Variants in C6orf136 observed in about 807,000 individuals in gnomAD.
The protein encoded by C6orf136 is uncharacterized protein C6orf136.
In C6orf136, 29 loss-of-function variants were observed where a neutral mutation model predicts 44.0. The ratio of observed to expected loss-of-function variants is 0.66; its 90% confidence interval spans 0.49 to 0.90. The LOEUF (loss-of-function observed/expected upper bound fraction) is 0.90, where lower values mean the gene tolerates loss of function less well. C6orf136 is among the 40% of genes least tolerant of loss of function. The pLI is 0.00. For missense variants in C6orf136, 628 were observed against 669.3 expected (o/e 0.94, Z 0.68); for synonymous variants, 293 against 278.6 (o/e 1.05, Z -0.52).
intron 1 of C6orf136, among the ~76,000 whole-genome samples, chr6:30,649,115 A>G (rs1335595502): frequency 6.6e-6 from 1 of 152,272 alleles, no homozygotes; most frequent in Non-Finnish European, 1.5e-5. Flanking sequence ...CTGTAATCCC[A>G]GCACTTTAGG....
At position 30,649,927 on chromosome 6, in the gene C6orf136, C is replaced by CT. The variant is rs1561953469; in HGVS notation, c.986dup (p.Ser330ValfsTer5). 6.2e-7 allele frequency: 1 copy of CT among 1,613,858 alleles called. No individual in the cohort carries two copies. Among genetic ancestry groups the CT allele is most frequent in the Non-Finnish European group, 8.5e-7 (1 of 1,179,962 alleles). ...AGGAGATCCTAGTATGGAGGAACAT[C>CT]TGTCTGTCATGTATGAGAGACTGAG... On this transcript the variant is annotated frameshift_variant, in exon 2 of 6. Transcript: ENST00000651131. LOFTEE classifies it high-confidence loss of function.
At chr6:30,648,632 C>G (rs1044037430) in intron 1 of C6orf136, among the ~76,000 whole-genome samples, 1 of 149,882 alleles carries the variant, frequency 6.7e-6, no homozygotes, top group Non-Finnish European at 1.5e-5. Context: ...AACTCCTAGA[C>G]CTCGTGATCC....
intron 4 of C6orf136, 53 bp from the exon 5 acceptor site, chr6:30,652,595 C>CA (rs1767537696): frequency 3.3e-6 from 5 of 1,521,272 alleles, no homozygotes; most frequent in Middle Eastern, 1.7e-4. Context: ...TGCTTGAATT[C>CA]AGCTTTGGGA....
At chr6:30,651,192 C>G (rs1160114377) in intron 3 of C6orf136, 74 bp from the exon 4 acceptor site, 5 of 1,579,586 alleles carry the variant, frequency 3.2e-6, no homozygotes, top group East Asian at 2.2e-5. Flanking sequence ...CACAGCTGTT[C>G]CCCATTCCTT....
chr6:30,651,862 A>G (rs1767454694), intron 4 of C6orf136, among the ~76,000 whole-genome samples: 1 of 151,424 alleles, frequency 6.6e-6, no homozygotes, highest in Admixed American at 6.6e-5. Flanking sequence ...GTTTATGTTA[A>G]TGTTAAAAAA....
chr6:30,650,411 G>A lies in C6orf136; in HGVS notation c.1017+452G>A, dbSNP rs1767299312. Among the ~76,000 whole-genome samples the A allele has an allele frequency of 2.0e-5, 3 of 151,046 alleles. No homozygotes were observed. In the South Asian group the frequency reaches 6.3e-4, roughly 32 times the overall value. On this transcript the variant is annotated intron_variant, in intron 2 of 5. Transcript: ENST00000651131. ...CAAAAAAAAAAAAAAGAAAGAAAAT[G>A]ATGTTCCTCATTTTGGGTTAAGGGA...
In C6orf136 at chr6:30,649,655, C is replaced by A; in HGVS notation, c.713C>A (p.Pro238His). Residue 238 changes from proline (P) to histidine (H), a missense_variant, in exon 2 of 6, where the codon CCC becomes CAC. Pro to His is a moderately conservative substitution (Grantham distance 77). This residue lies in a region of C6orf136 where 497 missense variants were observed against 469.2 expected (regional missense o/e 1.06). Coordinates refer to ENST00000651131, the MANE Select transcript of C6orf136 (RefSeq NM_001161376.2). ...PSSPLFWSPL[P>H]PRLPTQRLPQ... is the part of the protein sequence containing the mutation. ...TCTCCTCTATTCTGGTCTCCCCTGC[C>A]CCCACGCCTTCCCACCCAGCGTCTT... The A allele has an allele frequency of 6.2e-7, 1 of 1,607,840 alleles. No homozygotes were observed. Among genetic ancestry groups the A allele is most frequent in the Non-Finnish European group, 8.5e-7 (1 of 1,177,958 alleles).
intron 1 of C6orf136, 78 bp from the exon 2 acceptor site, chr6:30,649,480 C>A: frequency 7.5e-7 from 1 of 1,324,522 alleles, no homozygotes; most frequent in Non-Finnish European, 1.0e-6. Flanking sequence ...GTATTGGAAG[C>A]CTGTTGAGCA....
intron 4 of C6orf136, among the ~76,000 whole-genome samples, chr6:30,651,954 A>C (rs9501480): frequency 0.015 from 2,285 of 152,190 alleles, 51 homozygotes; most frequent in African/African-American, 0.051. Flanking sequence ...TAGGTACTCA[A>C]ATACTTACTG....
chr6:30,651,508 C>CT (rs371661755), intron 4 of C6orf136, 42 bp downstream of exon 4: 171,498 of 1,296,536 alleles, frequency 0.13, 4 homozygotes, highest in Non-Finnish European at 0.14. Context: ...TAATCAGTTC[C>CT]TTTTTTTTTT....
Position 30,647,684 on chromosome 6 carries a change from AC to A in C6orf136, c.456del (p.Ala153ArgfsTer184). The A allele has an allele frequency of 6.5e-7, 1 of 1,549,920 alleles. No individual in the cohort carries two copies. Among genetic ancestry groups the A allele is most frequent in the South Asian group, 1.2e-5 (1 of 84,002 alleles). ...PSRSSPAQTR[P>X]AGRPQQPARL... is the part of the protein sequence containing the mutation. ...CCCGGAGTTCCCCGGCCCAGACCAGACCCGCGGGGCGCCCTCAGCAGCCCGC... is the reference window on the plus strand; with the variant it reads ...CCCGGAGTTCCCCGGCCCAGACCAGACCGCGGGGCGCCCTCAGCAGCCCGC... On this transcript the variant is annotated frameshift_variant, in exon 1 of 6. Coordinates refer to ENST00000651131, the MANE Select transcript of C6orf136 (RefSeq NM_001161376.2). LOFTEE classifies it high-confidence loss of function. This position sits in a 1 kb window ranked among gnomAD's most constrained non-coding sequence, Gnocchi z 4.8.
chr6:30,647,878 G>C lies in C6orf136; in HGVS notation c.615+32G>C. On this transcript the variant is annotated intron_variant, in intron 1 of 5. Transcript: ENST00000651131. This position sits in a 1 kb window ranked among gnomAD's most constrained non-coding sequence, Gnocchi z 4.8. ...GAGCGGTCCGCCCGCCTTCCCTGCA[G>C]TGAGACGATCCCCTGGGGGGTTCCT... 2 of 1,454,486 alleles carry C rather than the reference G, an allele frequency of 1.4e-6. No homozygotes were observed. The highest frequency in any genetic ancestry group is 1.8e-6 in the Non-Finnish European group (2 of 1,105,036). 90.1% of individuals were successfully genotyped at this position (1,454,486 alleles called of 1,614,324 possible). A position where few individuals can be genotyped will look rare whatever the true frequency, so the allele number is the denominator to read the frequency against.
At chr6:30,649,506 G>A in intron 1 of C6orf136, 52 bp from the exon 2 acceptor site, 5 of 1,512,230 alleles carry the variant, frequency 3.3e-6, no homozygotes, top group Non-Finnish European at 4.4e-6. Flanking sequence ...GGGATCAAGG[G>A]GTGTTAGACA....
rs1767367855 is a variant in C6orf136, at chr6:30,651,146, CTTT to C, written c.1106+66_1106+68del. The C allele has an allele frequency of 7.7e-6, 12 of 1,562,258 alleles. No homozygotes were observed. The South Asian group carries it at 8.9e-5, about 12-fold the overall frequency. On this transcript the variant is annotated intron_variant, in intron 3 of 5. Transcript: ENST00000651131. The stretch of plus-strand genomic sequence containing the variant: ...AGCACCCAAAGGTATATACATGACC[CTTT>C]TCACTTCCCAGAGAAGTTCCTAGAC...
chr6:30,652,253 A>T lies in C6orf136; in HGVS notation c.1308-395A>T, dbSNP rs1406639040. Among the ~76,000 whole-genome samples, 22 of 144,972 alleles carry T rather than the reference A, an allele frequency of 1.5e-4. 2 individuals are homozygous for T. The highest frequency in any genetic ancestry group is 1.2e-3 in the East Asian group (6 of 4,988). On this transcript the variant is annotated intron_variant, in intron 4 of 5. Transcript: ENST00000651131. ...GTGAAACCCTGTCACACACACACACACACACACACACACACACACACACAC... is the reference window on the plus strand; with the variant it reads ...GTGAAACCCTGTCACACACACACACTCACACACACACACACACACACACAC...
chr6:30,651,877 T>G (rs1231548948), intron 4 of C6orf136, among the ~76,000 whole-genome samples: 1 of 151,412 alleles, frequency 6.6e-6, no homozygotes, highest in African/African-American at 2.4e-5. Context: ...AAAAAAAAAA[T>G]AGAGACTGGG....
intron 1 of C6orf136, among the ~76,000 whole-genome samples, chr6:30,648,732 C>A (rs1214499048): frequency 3.6e-5 from 5 of 140,280 alleles, no homozygotes; most frequent in Non-Finnish European, 7.8e-5. Flanking sequence ...CTGGGCCGGG[C>A]ACGGTGGCTC....
In C6orf136 at chr6:30,649,762, G is replaced by A. The variant is rs1767232157; in HGVS notation, c.820G>A (p.Glu274Lys). 6.2e-7 allele frequency: 1 copy of A among 1,614,062 alleles called. No homozygotes were observed. The change falls in exon 2 of 6, where the codon GAG (glutamate) becomes AAG (lysine). Residue 274 changes from glutamate to lysine, a missense_variant. Around this residue, in one of 2 missense-constraint regions of C6orf136, gnomAD observed 497 missense variants for 469.2 expected, o/e 1.06. Transcript: ENST00000651131. Reference protein sequence around the residue: ...WVVLPPGKGEEGPGPELHSGC... With the variant: ...WVVLPPGKGEKGPGPELHSGC... ...GGTTCTCCCTCCAGGAAAGGGGGAGGAGGGACCAGGACCTGAGTTGCATAG... is the reference window on the plus strand; with the variant it reads ...GGTTCTCCCTCCAGGAAAGGGGGAGAAGGGACCAGGACCTGAGTTGCATAG...
intron 5 of C6orf136, 21 bp downstream of exon 5, chr6:30,652,738 G>C: frequency 6.2e-7 from 1 of 1,612,900 alleles, no homozygotes; most frequent in Non-Finnish European, 8.5e-7. Flanking sequence ...GGTAGGGCTG[G>C]GTGGGGTAAA....
Sources: gnomAD v4.1 joint callset for allele counts (sites outside exome capture counted in the v4.1 genomes callset) on GRCh38, gnomAD v4.1.1 for gene constraint, gnomAD v4.1.1 regional missense constraint, Gnocchi (gnomAD v3.1) non-coding constraint, MANE v1.5 for transcripts, NCBI Gene and HGNC (gene_info 2026-07-23, HGNC 2026-07-21) for gene names.